FMN2: variants seen among roughly 807,000 people sequenced by gnomAD.
FMN2 encodes the protein formin-2.
In FMN2, 51 loss-of-function variants were observed where a neutral mutation model predicts 142.3. The ratio of observed to expected loss-of-function variants is 0.36; its 90% CI spans 0.29 to 0.45. FMN2 has a LOEUF of 0.45. FMN2 is among the 20% of genes least tolerant of loss of function. The probability of loss-of-function intolerance (pLI) is 1.00; values close to 1 mark genes in which losing one functional copy is unlikely to be tolerated. For missense variants in FMN2, 1,936 were observed against 2,122.8 expected, an observed-to-expected ratio of 0.91 and a Z score of 1.73; for synonymous variants, 882 against 869.8, an observed-to-expected ratio of 1.01 and a Z score of -0.25.
chr1:240,178,211 G>A (rs766538432), intron 3 of FMN2, 143 bp downstream of exon 3: 1 of 935,022 alleles, frequency 1.1e-6, no homozygotes, highest in African/African-American at 1.7e-5. Flanking sequence ...TTTACTTTGG[G>A]GTCTTTTCTC....
At chr1:240,263,435 C>T (rs912354336) in intron 7 of FMN2, among the ~76,000 whole-genome samples, 1 of 152,076 alleles carries the variant, frequency 6.6e-6, no homozygotes, top group Non-Finnish European at 1.5e-5. Context: ...GCTATTAGCC[C>T]CCAGTAGACT....
Position 240,230,028 on chromosome 1 carries a change from G to A in FMN2, c.4065+18793G>A, listed in dbSNP as rs1386578609. ...AAACCTTGCTAACCAAAAATTTATA[G>A]AAGAGAGGCCGGCGCAGTGGTTCAT... is the stretch of plus-strand genomic sequence containing the variant. On this transcript the variant is annotated intron_variant, in intron 6 of 17. Coordinates refer to ENST00000319653, the MANE Select transcript of FMN2 (RefSeq NM_020066.5). Among the ~76,000 whole-genome samples the A allele has an allele frequency of 2.3e-5, 3 of 131,578 alleles. 1 individual carries two copies. Among genetic ancestry groups the A allele is most frequent in the Non-Finnish European group, 4.8e-5 (3 of 62,840 alleles). The allele number at this position is 131,578 out of a possible 152,430, so 86.3% of individuals were successfully genotyped here. A position where few individuals can be genotyped will look rare whatever the true frequency, so the allele number is the denominator to read the frequency against.
intron 6 of FMN2, among the ~76,000 whole-genome samples, chr1:240,254,975 C>T (rs957611789): frequency 6.6e-6 from 1 of 152,146 alleles, no homozygotes; most frequent in Non-Finnish European, 1.5e-5. Flanking sequence ...GGAGGGGTGC[C>T]GCTGCCTGAT....
At chr1:240,246,167 G>A (rs1428797780) in intron 6 of FMN2, among the ~76,000 whole-genome samples, 2 of 151,290 alleles carry the variant, frequency 1.3e-5, no homozygotes, top group Admixed American at 1.3e-4. Context: ...GCGACAGAGC[G>A]AGACTCCCTC....
chr1:240,314,985 T>C (rs1409643805), intron 8 of FMN2, among the ~76,000 whole-genome samples: 1 of 152,230 alleles, frequency 6.6e-6, no homozygotes, highest in Non-Finnish European at 1.5e-5. Context: ...CAGTTTCTTC[T>C]GACACACATA....
chr1:240,296,438 C>CTTTTTT (rs772711130), intron 8 of FMN2, among the ~76,000 whole-genome samples: 11 of 46,902 alleles, frequency 2.3e-4, no homozygotes, highest in South Asian at 1.1e-3. Context: ...TCTTTGAGTG[C>CTTTTTT]TTTTTTTTTT....
At chr1:240,358,326 G>A (rs1360328957) in intron 14 of FMN2, among the ~76,000 whole-genome samples, 1 of 152,130 alleles carries the variant, frequency 6.6e-6, no homozygotes. Flanking sequence ...AAAAACCTAT[G>A]TACATCAAAT....
chr1:240,198,377 A>G (rs1665997669), intron 4 of FMN2, among the ~76,000 whole-genome samples: 1 of 152,214 alleles, frequency 6.6e-6, no homozygotes, highest in Non-Finnish European at 1.5e-5. Flanking sequence ...AGAGATGTTA[A>G]AAGTAATACA....
At chr1:240,230,707 T>C (rs1667502945) in intron 6 of FMN2, among the ~76,000 whole-genome samples, 1 of 132,220 alleles carries the variant, frequency 7.6e-6, no homozygotes, top group Non-Finnish European at 1.6e-5. Flanking sequence ...TTTAATACTC[T>C]CCTGTATAAT....
intron 16 of FMN2, among the ~76,000 whole-genome samples, chr1:240,463,743 C>T (rs1676520784): frequency 6.6e-6 from 1 of 152,110 alleles, no homozygotes; most frequent in Admixed American, 6.5e-5. Context: ...TGGCTCATGC[C>T]TATAATCCCA....
At chr1:240,323,001 C>T (rs183114635) in intron 8 of FMN2, among the ~76,000 whole-genome samples, 1 of 152,200 alleles carries the variant, frequency 6.6e-6, no homozygotes, top group Non-Finnish European at 1.5e-5. Flanking sequence ...AAGAACCCCC[C>T]TCCTCTTTAT....
intron 15 of FMN2, among the ~76,000 whole-genome samples, chr1:240,437,434 T>G (rs969076993): frequency 3.3e-5 from 5 of 151,978 alleles, no homozygotes; most frequent in African/African-American, 9.7e-5. Flanking sequence ...TAGCTGGGAC[T>G]ACAGGTGCCC....
chr1:240,171,586 A>G (rs1191087505), intron 2 of FMN2, among the ~76,000 whole-genome samples: 1 of 152,232 alleles, frequency 6.6e-6, no homozygotes, highest in Non-Finnish European at 1.5e-5. Context: ...AGAACCAGAA[A>G]AAATGTTGAT....
intron 6 of FMN2, among the ~76,000 whole-genome samples, chr1:240,225,056 G>T (rs1402450386): frequency 6.6e-6 from 1 of 152,184 alleles, no homozygotes; most frequent in African/African-American, 2.4e-5. Context: ...AAAAAGATCT[G>T]TCTATGGGAC....
intron 6 of FMN2, among the ~76,000 whole-genome samples, chr1:240,219,851 G>T (rs1319532161): frequency 6.6e-6 from 1 of 151,944 alleles, no homozygotes; most frequent in Non-Finnish European, 1.5e-5. Flanking sequence ...TAGGGACGGG[G>T]AGTCGCCATG....
chr1:240,143,791 G>C, intron 2 of FMN2: 1 of 1,512,634 alleles, frequency 6.6e-7, no homozygotes, highest in South Asian at 1.1e-5. Flanking sequence ...CTCCATTGCA[G>C]GACCCCACTG....
chr1:240,392,668 C>A, intron 15 of FMN2, 106 bp downstream of exon 15: 2 of 884,828 alleles, frequency 2.3e-6, no homozygotes, highest in East Asian at 2.6e-5. Context: ...AAGCATAAAA[C>A]AAAAATAAAT....
intron 7 of FMN2, among the ~76,000 whole-genome samples, chr1:240,267,447 A>T (rs1668855235): frequency 6.6e-6 from 1 of 152,028 alleles, no homozygotes; most frequent in Non-Finnish European, 1.5e-5. Flanking sequence ...GAACACGTGG[A>T]CACATAGAGG....
intron 15 of FMN2, among the ~76,000 whole-genome samples, chr1:240,415,204 C>T (rs898547391): frequency 1.3e-5 from 2 of 152,056 alleles, no homozygotes; most frequent in Non-Finnish European, 1.5e-5. Flanking sequence ...TACTATGCAG[C>T]CATAAAAAGG....
Sources: gnomAD v4.1 joint callset for allele counts (sites outside exome capture counted in the v4.1 genomes callset) on GRCh38, gnomAD v4.1.1 for gene constraint, MANE v1.5 for transcripts, NCBI Gene and HGNC (gene_info 2026-07-23, HGNC 2026-07-21) for gene names.